KLF8: variants seen among roughly 807,000 people sequenced by gnomAD.
KLF8 encodes Krueppel-like factor 8.
KLF8 carries 10 observed loss-of-function variants against 18.2 expected under a neutral mutation model. That is an observed-to-expected ratio of 0.55 (90% CI 0.34 to 0.93). The LOEUF (loss-of-function observed/expected upper bound fraction) is 0.93, where lower values mean the gene tolerates loss of function less well. KLF8 is among the 40% of genes least tolerant of loss of function. The pLI is 0.02. For missense variants in KLF8, 264 were observed against 277.9 expected (o/e 0.95, Z 0.36); for synonymous variants, 109 against 97.3 (o/e 1.12, Z -0.71).
chrX:56,019,801 G>A, the KLF8 span, among the ~76,000 whole-genome samples: 1 of 111,872 alleles, frequency 8.9e-6, no homozygotes, highest in African/African-American at 3.2e-5. Flanking sequence ...AGAATGGTAA[G>A]GGAAAGGAAT....
the KLF8 span, among the ~76,000 whole-genome samples, chrX:56,056,801 A>T: frequency 2.0e-5 from 2 of 101,490 alleles, no homozygotes; most frequent in African/African-American, 3.7e-5. Flanking sequence ...AAGTATATAT[A>T]AAAAAAAAAG....
chrX:55,919,260 A>C, the KLF8 span, among the ~76,000 whole-genome samples: 1 of 112,120 alleles, frequency 8.9e-6, no homozygotes, highest in Non-Finnish European at 1.9e-5. Flanking sequence ...AGAAGGCATG[A>C]CTAGCTTGCA....
the KLF8 span, among the ~76,000 whole-genome samples, chrX:56,041,539 C>T: frequency 1.9e-5 from 2 of 106,772 alleles, no homozygotes; most frequent in Admixed American, 1.0e-4. Context: ...TTTCATGTCT[C>T]TATCTCCTTC....
chrX:56,278,949 A>C (rs2067160760), intron 5 of KLF8, among the ~76,000 whole-genome samples: 1 of 111,322 alleles, frequency 9.0e-6, no homozygotes, highest in African/African-American at 3.3e-5. Context: ...GCAGCACTGA[A>C]TTTAATGCAG....
chrX:55,985,658 T>C, the KLF8 span, among the ~76,000 whole-genome samples: 1 of 110,960 alleles, frequency 9.0e-6, no homozygotes, highest in African/African-American at 3.3e-5. Flanking sequence ...TTTTTCTAAT[T>C]TTGTGAAAAA....
the KLF8 span, among the ~76,000 whole-genome samples, chrX:56,163,273 T>G: frequency 4.4e-4 from 49 of 112,157 alleles, no homozygotes; most frequent in African/African-American, 1.6e-3. Flanking sequence ...TTTGACTTTT[T>G]AATGATAGTC....
At chrX:56,161,909 C>T in the KLF8 span, among the ~76,000 whole-genome samples, 4 of 111,167 alleles carry the variant, frequency 3.6e-5, no homozygotes, top group East Asian at 8.5e-4. Flanking sequence ...TTTTATCTAC[C>T]TTTGGTCTTT....
chrX:56,083,749 A>C, the KLF8 span, among the ~76,000 whole-genome samples: 1 of 111,253 alleles, frequency 9.0e-6, no homozygotes, highest in Non-Finnish European at 1.9e-5. Flanking sequence ...CTGTCAAATC[A>C]GTGGTGATGT....
the KLF8 span, among the ~76,000 whole-genome samples, chrX:56,162,765 C>T: frequency 1.0e-3 from 112 of 111,227 alleles, no homozygotes; most frequent in African/African-American, 3.5e-3. Context: ...CCGTATGCTG[C>T]ATCCACTGTC....
At chrX:56,228,502 T>C (rs139383126), upstream of KLF8, among the ~76,000 whole-genome samples, 1 of 112,517 alleles carries the variant, frequency 8.9e-6, no homozygotes, top group African/African-American at 3.2e-5. Flanking sequence ...TTCTGTGAAG[T>C]AATATCTTTA....
At chrX:56,209,687 T>C in the KLF8 span, among the ~76,000 whole-genome samples, 1 of 111,935 alleles carries the variant, frequency 8.9e-6, no homozygotes, top group East Asian at 2.8e-4. Flanking sequence ...TTCTGTTTTG[T>C]TTTTGTTTTT....
At chrX:55,999,244 C>T in the KLF8 span, among the ~76,000 whole-genome samples, 1 of 85,389 alleles carries the variant, frequency 1.2e-5, no homozygotes, top group South Asian at 5.8e-4. Flanking sequence ...TTACTATAAC[C>T]TCGTATTATA....
chrX:56,125,273 C>T, the KLF8 span, among the ~76,000 whole-genome samples: 1 of 112,056 alleles, frequency 8.9e-6, no homozygotes, highest in African/African-American at 3.2e-5. Flanking sequence ...AACAACTTCT[C>T]AGTGTCTTTC....
chrX:55,987,181 C>T, the KLF8 span, among the ~76,000 whole-genome samples: 5 of 98,509 alleles, frequency 5.1e-5, no homozygotes, highest in Admixed American at 1.1e-4. Flanking sequence ...TTTGAAGTTT[C>T]TTTTTTTTTT....
At chrX:56,193,224 C>T in the KLF8 span, among the ~76,000 whole-genome samples, 1 of 112,484 alleles carries the variant, frequency 8.9e-6, no homozygotes, top group East Asian at 2.8e-4. Context: ...AAAAGGTGCT[C>T]AACATCCCTG....
the KLF8 span, among the ~76,000 whole-genome samples, chrX:56,128,808 C>A: frequency 2.7e-5 from 3 of 111,697 alleles, no homozygotes; most frequent in African/African-American, 9.8e-5. Flanking sequence ...GCAAAACAAA[C>A]AAACAAACAA....
At chrX:55,963,104 C>G in the KLF8 span, among the ~76,000 whole-genome samples, 3 of 112,141 alleles carry the variant, frequency 2.7e-5, no homozygotes, top group African/African-American at 9.7e-5. Context: ...TCCTTATGCA[C>G]AAAGATTTTT....
Position 56,265,187 on chromosome X carries a change from C to T in KLF8, c.89C>T (p.Ala30Val), listed in dbSNP as rs2066952210. 1 of 1,192,892 alleles carries T rather than the reference C, an allele frequency of 8.4e-7. No individual in the cohort carries two copies. Among genetic ancestry groups the T allele is most frequent in the Non-Finnish European group, 1.1e-6 (1 of 882,134 alleles). The change falls in exon 3 of 6, where the codon GCT becomes GTT. Residue 30 changes from alanine to valine, a missense_variant. Physicochemically the swap from Ala to Val is moderately conservative, Grantham distance 64. Around this residue, in one of 2 missense-constraint regions of KLF8, gnomAD observed 221 missense variants for 193.6 expected, o/e 1.14. Coordinates refer to ENST00000468660, the MANE Select transcript of KLF8 (RefSeq NM_007250.5). ...GSMQVFKQVT[A>V]SVRNRDPPEI... Reference sequence around the variant, plus strand: ...TTTGTTTATTTATTTAAGGTCACTGCTTCTGTTCGGAACAGAGATCCCCCT... The same window carrying T: ...TTTGTTTATTTATTTAAGGTCACTGTTTCTGTTCGGAACAGAGATCCCCCT...
At chrX:56,073,735 T>A in the KLF8 span, among the ~76,000 whole-genome samples, 1 of 102,491 alleles carries the variant, frequency 9.8e-6, no homozygotes, top group Non-Finnish European at 2.0e-5. Flanking sequence ...ATTTCCATGA[T>A]GACTAATGAT....
Sources: gnomAD v4.1 joint callset for allele counts (sites outside exome capture counted in the v4.1 genomes callset) on GRCh38, gnomAD v4.1.1 for gene constraint, gnomAD v4.1.1 regional missense constraint, MANE v1.5 for transcripts, NCBI Gene and HGNC (gene_info 2026-07-23, HGNC 2026-07-21) for gene names.